Variants in CPNE4 observed in about 807,000 individuals in gnomAD.
CPNE4 encodes the protein copine 4.
Under a neutral mutation model 67.9 loss-of-function variants are expected in CPNE4, and 25 were observed. The observed-to-expected ratio is 0.37, with a 90% CI of 0.27 to 0.51. The LOEUF (loss-of-function observed/expected upper bound fraction) is 0.51. Among genes scored for constraint, CPNE4 ranks in the 20% least tolerant of loss-of-function variants. The probability of loss-of-function intolerance (pLI) is 0.93; values close to 1 mark genes in which losing one functional copy is unlikely to be tolerated. For missense variants in CPNE4, 464 were observed against 690.8 expected, an observed-to-expected ratio of 0.67 and a Z score of 3.68; for synonymous variants, 242 against 244.9, an observed-to-expected ratio of 0.99 and a Z score of 0.11.
rs1046652019 is a variant in CPNE4 at position 131,862,814 on chromosome 3, C to T, written c.180+42450G>A. On this transcript the variant is annotated intron_variant, in intron 2 of 15. Coordinates refer to ENST00000429747, the MANE Select transcript of CPNE4 (RefSeq NM_130808.3). ...TGTTGGTGTGCTGCACCCATTAACT[C>T]GTCATTTGACATTAGGTATATCTCC... Among the ~76,000 whole-genome samples the T allele has an allele frequency of 3.3e-5, 5 of 152,000 alleles. No homozygotes were observed. In the South Asian group the frequency reaches 6.2e-4, roughly 19 times the overall value.
intron 2 of CPNE4, among the ~76,000 whole-genome samples, chr3:131,736,563 G>A (rs570593607): frequency 2.7e-5 from 4 of 149,376 alleles, no homozygotes; most frequent in East Asian, 4.0e-4. Context: ...GAGGTTGAGC[G>A]GAGATCACAC....
chr3:131,940,675 G>T (rs1407914867), intron 1 of CPNE4, among the ~76,000 whole-genome samples: 2 of 151,972 alleles, frequency 1.3e-5, no homozygotes, highest in African/African-American at 4.8e-5. Flanking sequence ...TTCTTATGAG[G>T]TAACTCTCTC....
intron 3 of CPNE4, among the ~76,000 whole-genome samples, chr3:131,706,010 A>T (rs1174769298): frequency 1.3e-5 from 2 of 152,144 alleles, no homozygotes; most frequent in African/African-American, 4.8e-5. Context: ...GGCAGCCAGG[A>T]GAAAGAGAAA....
At chr3:131,627,107 T>A (rs1458531240) in intron 7 of CPNE4, among the ~76,000 whole-genome samples, 1 of 148,552 alleles carries the variant, frequency 6.7e-6, no homozygotes, top group Non-Finnish European at 1.5e-5. Flanking sequence ...GCAGGAGAAC[T>A]GCTTGAACCC....
chr3:132,005,314 C>CATATATATATAT (rs767282824), intron 1 of CPNE4, among the ~76,000 whole-genome samples: 70 of 81,614 alleles, frequency 8.6e-4, no homozygotes, highest in African/African-American at 2.4e-3. Context: ...GCCATTTTTA[C>CATATATATATAT]ATATATATAT....
intron 1 of CPNE4, among the ~76,000 whole-genome samples, chr3:131,908,844 C>T (rs370442109): frequency 5.3e-5 from 8 of 152,076 alleles, no homozygotes; most frequent in Non-Finnish European, 7.4e-5. Context: ...GGGTATTTAA[C>T]GTCTCAGATG....
At chr3:131,882,492 G>C (rs2087715874) in intron 2 of CPNE4, among the ~76,000 whole-genome samples, 1 of 152,056 alleles carries the variant, frequency 6.6e-6, no homozygotes, top group Admixed American at 6.5e-5. Context: ...GTTCCAGATA[G>C]GCAGTTGGGT....
intron 2 of CPNE4, among the ~76,000 whole-genome samples, chr3:131,901,939 G>C (rs1044656033): frequency 7.9e-5 from 12 of 152,064 alleles, no homozygotes; most frequent in African/African-American, 2.9e-4. Flanking sequence ...ACACATGACT[G>C]CTCCAGCCCT....
chr3:131,707,706 C>T (rs538588458), intron 3 of CPNE4, among the ~76,000 whole-genome samples: 5 of 152,246 alleles, frequency 3.3e-5, no homozygotes, highest in Admixed American at 3.3e-4. Context: ...CTAAACCTTA[C>T]AAGATACACA....
chr3:131,851,415 G>GA (rs1429801211), intron 2 of CPNE4, among the ~76,000 whole-genome samples: 1 of 151,988 alleles, frequency 6.6e-6, no homozygotes, highest in East Asian at 1.9e-4. Flanking sequence ...ATAACAAGCT[G>GA]AAAAAAATCA....
chr3:131,735,887 C>T (rs1028704917), intron 2 of CPNE4, among the ~76,000 whole-genome samples: 1 of 152,192 alleles, frequency 6.6e-6, no homozygotes, highest in African/African-American at 2.4e-5. Context: ...TCCCTGATGT[C>T]TCTCTTGATC....
chr3:131,730,955 C>T (rs1217266544), intron 2 of CPNE4, among the ~76,000 whole-genome samples: 1 of 152,156 alleles, frequency 6.6e-6, no homozygotes, highest in Admixed American at 6.5e-5. Context: ...CACCATTCTA[C>T]TTAAGAAACA....
At chr3:131,869,648 C>A (rs2087111098) in intron 2 of CPNE4, among the ~76,000 whole-genome samples, 1 of 152,072 alleles carries the variant, frequency 6.6e-6, no homozygotes, top group Non-Finnish European at 1.5e-5. Context: ...TTGAACAATG[C>A]ATTATATGTT....
intron 7 of CPNE4, among the ~76,000 whole-genome samples, chr3:131,650,350 C>T (rs2079777397): frequency 6.6e-6 from 1 of 152,090 alleles, no homozygotes; most frequent in South Asian, 2.1e-4. Flanking sequence ...AACATGACTA[C>T]TAGAGGGTGA....
intron 11 of CPNE4, among the ~76,000 whole-genome samples, chr3:131,557,192 T>C (rs977318190): frequency 3.9e-5 from 6 of 152,164 alleles, no homozygotes; most frequent in African/African-American, 1.4e-4. Flanking sequence ...GCCATAGGGC[T>C]CTTGGCAAGG....
intron 2 of CPNE4, among the ~76,000 whole-genome samples, chr3:131,798,895 C>T (rs116514483): frequency 0.038 from 5,841 of 152,122 alleles, 141 homozygotes; most frequent in Middle Eastern, 0.071. Context: ...TTTTATTTTT[C>T]CATCTTCACT....
rs116094490 is a variant in CPNE4 at position 132,005,866 on chromosome 3, C to T, written c.-2+28701G>A. Reference sequence around the variant, plus strand: ...GGGTGAATTGTAATAAGAAACAGTCCTTGCCTCCTGGAAGTTTGAAGTCTA... The same window carrying T: ...GGGTGAATTGTAATAAGAAACAGTCTTTGCCTCCTGGAAGTTTGAAGTCTA... On this transcript the variant is annotated intron_variant, in intron 1 of 15. Transcript: ENST00000429747. 5.9e-3 allele frequency among the ~76,000 whole-genome samples: 894 copies of T among 152,046 alleles called. 11 individuals are homozygous for T. Among genetic ancestry groups the T allele is most frequent in the African/African-American group, 0.02 (842 of 41,490 alleles).
At chr3:131,675,841 G>A (rs1238510355) in intron 6 of CPNE4, among the ~76,000 whole-genome samples, 2 of 151,094 alleles carry the variant, frequency 1.3e-5, no homozygotes, top group Non-Finnish European at 3.0e-5. Context: ...CTGCCATTAG[G>A]GTTTTTGTTT....
At chr3:132,008,210 AC>A (rs1302729022) in intron 1 of CPNE4, among the ~76,000 whole-genome samples, 1 of 152,186 alleles carries the variant, frequency 6.6e-6, no homozygotes, top group African/African-American at 2.4e-5. Flanking sequence ...TGAAAAAAAT[AC>A]CCACACCCAG....
Sources: gnomAD v4.1 joint callset for allele counts (sites outside exome capture counted in the v4.1 genomes callset) on GRCh38, gnomAD v4.1.1 for gene constraint, MANE v1.5 for transcripts, NCBI Gene and HGNC (gene_info 2026-07-23, HGNC 2026-07-21) for gene names.